CCNH: variants seen among roughly 807,000 people sequenced by gnomAD.
CCNH encodes cyclin-H.
CCNH carries 31 observed loss-of-function variants against 41.9 expected under a neutral mutation model. The observed-to-expected ratio is 0.74, with a 90% confidence interval of 0.56 to 1.00. The LOEUF is 1.00. Ranked by LOEUF, CCNH falls within the 50% of genes least tolerant of loss-of-function variation. The pLI is 0.00. For missense variants in CCNH, 362 were observed against 388.4 expected (o/e 0.93, Z 0.57); for synonymous variants, 138 against 136.1 (o/e 1.01, Z -0.10).
chr5:87,382,395 TA>T (rs1326956599), intron 9 of CCNH, among the ~76,000 whole-genome samples: 1 of 152,242 alleles, frequency 6.6e-6, no homozygotes, highest in African/African-American at 2.4e-5. Context: ...AGATTGTATC[TA>T]TTAATCTATA....
upstream of CCNH, chr5:87,379,943 A>C: frequency 8.0e-7 from 1 of 1,253,956 alleles, no homozygotes; most frequent in Non-Finnish European, 1.1e-6. Context: ...CTGTTGTCCT[A>C]ATATTATTAT....
intron 2 of CCNH, among the ~76,000 whole-genome samples, chr5:87,410,306 G>A (rs1764132737): frequency 6.6e-6 from 1 of 151,954 alleles, no homozygotes; most frequent in African/African-American, 2.4e-5. Context: ...TAAATTTACT[G>A]CCTCATTTTA....
At chr5:87,354,202 T>C (rs139290658) in intron 9 of CCNH, among the ~76,000 whole-genome samples, 14 of 152,220 alleles carry the variant, frequency 9.2e-5, no homozygotes, top group Admixed American at 2.0e-4. Context: ...AATCATAATC[T>C]TGTCACATTT....
intron 9 of CCNH, chr5:87,362,479 G>A (rs2112455920): frequency 4.1e-6 from 6 of 1,464,844 alleles, no homozygotes; most frequent in Non-Finnish European, 5.7e-6. Flanking sequence ...CTTTTAATTG[G>A]TACTTTTATA....
At chr5:87,322,696 C>A (rs1397554915) in intron 9 of CCNH, among the ~76,000 whole-genome samples, 1 of 152,218 alleles carries the variant, frequency 6.6e-6, no homozygotes, top group East Asian at 1.9e-4. Context: ...AACCACTTTT[C>A]TTTACCAATT....
At chr5:87,340,077 T>C (rs1255717799) in intron 9 of CCNH, among the ~76,000 whole-genome samples, 1 of 152,180 alleles carries the variant, frequency 6.6e-6, no homozygotes, top group Admixed American at 6.5e-5. Context: ...TTGCCTAGAA[T>C]AGTGTCTGGC....
chr5:87,391,612 AAAT>A (rs1248630885), downstream of CCNH: 1 of 234,536 alleles, frequency 4.3e-6, no homozygotes, highest in African/African-American at 2.2e-5. Context: ...TGAATTCAGT[AAAT>A]ATTATTGGTT....
intron 9 of CCNH, among the ~76,000 whole-genome samples, chr5:87,324,730 C>T (rs1003456697): frequency 6.6e-6 from 1 of 152,046 alleles, no homozygotes; most frequent in African/African-American, 2.4e-5. Flanking sequence ...TATAAACACG[C>T]CCTCTTCTCC....
chr5:87,399,253 A>G, intron 7 of CCNH, 141 bp downstream of exon 7: 1 of 672,338 alleles, frequency 1.5e-6, no homozygotes, highest in Admixed American at 2.3e-5. Flanking sequence ...TCTCATTAGA[A>G]ATGTCCATTC....
At chr5:87,389,578 A>G, downstream of CCNH, 1 of 1,599,814 alleles carries the variant, frequency 6.3e-7, no homozygotes, top group Non-Finnish European at 8.6e-7. Flanking sequence ...GATAACACTT[A>G]GAGAGTTAAT....
Position 87,327,948 on chromosome 5 carries a change from C to G in CCNH, c.*91-9051G>C, listed in dbSNP as rs574625477. Among the ~76,000 whole-genome samples the G allele has an allele frequency of 8.2e-5, 12 of 146,846 alleles. 1 individual carries two copies. The highest frequency in any genetic ancestry group is 3.0e-4 in the African/African-American group (12 of 39,500). ...TGGCACTGCACCCCAACCTGGGTAACAGAGCAAGACTCCGTTTCCCAAAAA... is the reference window on the plus strand; with the variant it reads ...TGGCACTGCACCCCAACCTGGGTAAGAGAGCAAGACTCCGTTTCCCAAAAA... On this transcript the variant is annotated intron_variant and NMD_transcript_variant, in intron 9 of 9. Coordinates refer to the CCNH transcript ENST00000645953.
At chr5:87,325,075 G>A (rs1757130021) in intron 9 of CCNH, among the ~76,000 whole-genome samples, 1 of 152,102 alleles carries the variant, frequency 6.6e-6, no homozygotes, top group Admixed American at 6.6e-5. Context: ...GTTCCGCAGG[G>A]CTGGGGAGGC....
downstream of CCNH, among the ~76,000 whole-genome samples, chr5:87,388,380 T>G (rs1762214844): frequency 1.3e-5 from 2 of 152,320 alleles, no homozygotes; most frequent in South Asian, 4.1e-4. Flanking sequence ...TGGCATTTAG[T>G]GTCGATAATA....
At chr5:87,325,213 T>C (rs1255291371) in intron 9 of CCNH, among the ~76,000 whole-genome samples, 1 of 152,120 alleles carries the variant, frequency 6.6e-6, no homozygotes, top group African/African-American at 2.4e-5. Flanking sequence ...TCGTGAGAAC[T>C]CACTATCACA....
chr5:87,322,393 T>TTTA (rs1219543801), intron 9 of CCNH, among the ~76,000 whole-genome samples: 1 of 152,226 alleles, frequency 6.6e-6, no homozygotes, highest in East Asian at 1.9e-4. Flanking sequence ...TATGAGAATC[T>TTTA]AATGGTTGAT....
In CCNH at chr5:87,383,825, AAC is replaced by A. The variant is rs755436923; in HGVS notation, c.*90+8943_*90+8944del. The A allele has an allele frequency of 3.4e-5, 51 of 1,493,718 alleles. No individual in the cohort carries two copies. The East Asian group carries it at 1.2e-3, about 34-fold the overall frequency. 92.5% of individuals were successfully genotyped at this position (1,493,718 alleles called of 1,614,324 possible). A position where few individuals can be genotyped will look rare whatever the true frequency, so the allele number is the denominator to read the frequency against. On this transcript the variant is annotated intron_variant and NMD_transcript_variant, in intron 9 of 9. Coordinates refer to the CCNH transcript ENST00000645953. Reference sequence around the variant, plus strand: ...TTTTGAAATTCAAAATATTAGAATTAACAGTTTCATACTATTTAAGAATACTC... The same window carrying A: ...TTTTGAAATTCAAAATATTAGAATTAAGTTTCATACTATTTAAGAATACTC...
At chr5:87,372,676 C>G (rs1761035778), downstream of CCNH, among the ~76,000 whole-genome samples, 1 of 152,076 alleles carries the variant, frequency 6.6e-6, no homozygotes, top group East Asian at 1.9e-4. Context: ...GAGAGTTAAG[C>G]TAGGCTTTCT....
intron 9 of CCNH, chr5:87,346,717 A>T: frequency 6.5e-7 from 1 of 1,549,090 alleles, no homozygotes; most frequent in Non-Finnish European, 8.9e-7. Flanking sequence ...ATAATTTACT[A>T]ATGACAGGTA....
chr5:87,383,800 T>G (rs1761890020), intron 9 of CCNH: 2 of 1,588,150 alleles, frequency 1.3e-6, no homozygotes, highest in Non-Finnish European at 1.7e-6. Context: ...TTTTGATACA[T>G]TTTGAAATTC....
Sources: gnomAD v4.1 joint callset for allele counts (sites outside exome capture counted in the v4.1 genomes callset) on GRCh38, gnomAD v4.1.1 for gene constraint, MANE v1.5 for transcripts, NCBI Gene and HGNC (gene_info 2026-07-23, HGNC 2026-07-21) for gene names.